The following TSPAN32 variants were observed in gnomAD, a reference collection of about 807,000 sequenced individuals.
The protein encoded by TSPAN32 is tetraspanin-32.
In TSPAN32, 47 loss-of-function variants were observed where a neutral mutation model predicts 42.7. That is an observed-to-expected ratio of 1.10 (90% CI 0.87 to 1.40). TSPAN32 has a LOEUF of 1.40. TSPAN32 is among the 40% of genes most tolerant of loss of function. TSPAN32 has a pLI of 0.00. For missense variants in TSPAN32, 469 were observed against 424.1 expected (o/e 1.11, Z -0.93); for synonymous variants, 175 against 175.9 (o/e 0.99, Z 0.04).
At chr11:2,308,832 C>G (rs1423985325) in intron 4 of TSPAN32, 22 bp downstream of exon 4, 10 of 1,528,702 alleles carry the variant, frequency 6.5e-6, no homozygotes, top group Non-Finnish European at 8.9e-6. Context: ...CTGCCCCTAC[C>G]CTGCAGTGGA....
At chr11:2,311,893 G>A (rs892308355) in intron 4 of TSPAN32, among the ~76,000 whole-genome samples, 1 of 152,232 alleles carries the variant, frequency 6.6e-6, no homozygotes, top group Non-Finnish European at 1.5e-5. Flanking sequence ...CAGGCCCCGT[G>A]GAGAGCAGCC....
At chr11:2,303,006 AG>A (rs1847853956) in intron 2 of TSPAN32, 48 bp downstream of exon 2, 1 of 1,546,354 alleles carries the variant, frequency 6.5e-7, no homozygotes, top group Admixed American at 1.7e-5. Flanking sequence ...CTCGGGTGCA[AG>A]GGTGGCTGGC....
chr11:2,302,154 G>A lies in TSPAN32; in HGVS notation c.5G>A (p.Gly2Glu). 1 of 1,450,846 alleles carries A rather than the reference G, an allele frequency of 6.9e-7. No homozygotes were observed. Among genetic ancestry groups the A allele is most frequent in the Non-Finnish European group, 9.1e-7 (1 of 1,099,328 alleles). 89.9% of individuals were successfully genotyped at this position (1,450,846 alleles called of 1,614,324 possible). A position where few individuals can be genotyped will look rare whatever the true frequency, so the allele number is the denominator to read the frequency against. The change falls in exon 1 of 10, where the codon GGG becomes GAG. Residue 2 changes from glycine (G) to glutamate (E), a missense_variant. Physicochemically the swap from Gly to Glu is moderately conservative, Grantham distance 98. Transcript: ENST00000182290. ...GAGGAGAGGAGAGGAACCGTCATGG[G>A]GCCTTGGAGTCGAGTCAGGGTTGCC... is the stretch of plus-strand genomic sequence containing the variant. Reference protein sequence around the residue: MGPWSRVRVAKC... With the variant: MEPWSRVRVAKC...
chr11:2,311,113 G>A (rs547921876), intron 4 of TSPAN32, among the ~76,000 whole-genome samples: 1 of 152,190 alleles, frequency 6.6e-6, no homozygotes, highest in Non-Finnish European at 1.5e-5. Flanking sequence ...GGCCACTGAG[G>A]TGTCCTGAAC....
Position 2,313,132 on chromosome 11 carries a change from C to A in TSPAN32, c.355-522C>A, listed in dbSNP as rs1848564055. 1.3e-5 allele frequency among the ~76,000 whole-genome samples: 2 copies of A among 152,108 alleles called. No individual in the cohort carries two copies. The highest frequency in any genetic ancestry group is 4.2e-4 in the South Asian group (2 of 4,816). ...GTCCACCCAGATCTGGCCTCAGGTGCCCAAGGCTTCTCTGGTCAAAAGCCT... is the reference window on the plus strand; with the variant it reads ...GTCCACCCAGATCTGGCCTCAGGTGACCAAGGCTTCTCTGGTCAAAAGCCT... On this transcript the variant is annotated intron_variant, in intron 4 of 9. Coordinates refer to ENST00000182290, the MANE Select transcript of TSPAN32 (RefSeq NM_139022.3). The surrounding 1 kb of genome is among the most constrained non-coding windows in gnomAD (Gnocchi z 9.1).
chr11:2,317,334 T>C lies in TSPAN32; in HGVS notation c.720-10T>C. On this transcript the variant is annotated splice_polypyrimidine_tract_variant and intron_variant, in intron 8 of 9. Transcript: ENST00000182290. This position sits in a 1 kb window ranked among gnomAD's most constrained non-coding sequence, Gnocchi z 6.2. ...TTCCACCACAGCCCCATGATCCCCT[T>C]GCTCCTCAGAGCATGTGGCCGCCAG... 1 of 1,580,532 alleles carries C rather than the reference T, an allele frequency of 6.3e-7. No individual in the cohort carries two copies.
chr11:2,312,029 CCAGGCAGGG>C (rs377033029), intron 4 of TSPAN32, among the ~76,000 whole-genome samples: 26 of 148,574 alleles, frequency 1.7e-4, no homozygotes, highest in Non-Finnish European at 2.5e-4. Context: ...GCAGGAAGAG[CCAGGCAGGG>C]CAGGCAGGGC....
chr11:2,306,020 A>T lies in TSPAN32; in HGVS notation c.279+1816A>T, dbSNP rs549599699. Reference sequence around the variant, plus strand: ...TGCATGTGCATGAGTGTGTGTGTGCATGTGTGTGTGCGTGTGCAGGTGCCT... The same window carrying T: ...TGCATGTGCATGAGTGTGTGTGTGCTTGTGTGTGTGCGTGTGCAGGTGCCT... On this transcript the variant is annotated intron_variant, in intron 3 of 9. Coordinates refer to ENST00000182290, the MANE Select transcript of TSPAN32 (RefSeq NM_139022.3). Among the ~76,000 whole-genome samples the T allele has an allele frequency of 1.3e-3, 173 of 133,652 alleles. 1 individual carries two copies. The highest frequency in any genetic ancestry group is 4.2e-3 in the African/African-American group (152 of 36,272). The allele number at this position is 133,652 out of a possible 152,430, so 87.7% of individuals were successfully genotyped here.
At chr11:2,306,038 A>C (rs1398833376) in intron 3 of TSPAN32, among the ~76,000 whole-genome samples, 1 of 70,832 alleles carries the variant, frequency 1.4e-5, no homozygotes, top group Non-Finnish European at 3.1e-5. Flanking sequence ...GTGCGTGTGC[A>C]GGTGCCTCTG....
chr11:2,317,590 G>A lies in TSPAN32; in HGVS notation c.901+65G>A. Reference sequence around the variant, plus strand: ...AGGGGAGGGTCCGAGCTGTGAGGAGGGAAGGGAGTGAAGGCCCAGCCAGAG... The same window carrying A: ...AGGGGAGGGTCCGAGCTGTGAGGAGAGAAGGGAGTGAAGGCCCAGCCAGAG... On this transcript the variant is annotated intron_variant, in intron 9 of 9. Coordinates refer to ENST00000182290, the MANE Select transcript of TSPAN32 (RefSeq NM_139022.3). The surrounding 1 kb of genome is among the most constrained non-coding windows in gnomAD (Gnocchi z 6.2). 1.3e-6 allele frequency: 2 copies of A among 1,517,348 alleles called. No homozygotes were observed. The highest frequency in any genetic ancestry group is 1.2e-5 in the South Asian group (1 of 81,780). 94.0% of individuals were successfully genotyped at this position (1,517,348 alleles called of 1,614,324 possible).
rs926116081 is a variant in TSPAN32, at chr11:2,313,238, G to A, written c.355-416G>A. Reference sequence around the variant, plus strand: ...AGATCTAGAATCCCCAAGCTTTCTGGGAGCTGAGGTCCTGGCACAGGGTCT... The same window carrying A: ...AGATCTAGAATCCCCAAGCTTTCTGAGAGCTGAGGTCCTGGCACAGGGTCT... On this transcript the variant is annotated intron_variant, in intron 4 of 9. Transcript: ENST00000182290. The surrounding 1 kb of genome is among the most constrained non-coding windows in gnomAD (Gnocchi z 9.1). 1.3e-5 allele frequency among the ~76,000 whole-genome samples: 2 copies of A among 152,152 alleles called. No homozygotes were observed. Among genetic ancestry groups the A allele is most frequent in the Non-Finnish European group, 2.9e-5 (2 of 68,026 alleles).
At chr11:2,315,917 G>C (rs1052836350) in intron 6 of TSPAN32, 2 of 1,490,320 alleles carry the variant, frequency 1.3e-6, no homozygotes, top group Non-Finnish European at 1.8e-6. Flanking sequence ...GAGTGAATTC[G>C]AAGTGGCCCG....
rs372703090 is a variant in TSPAN32, at chr11:2,313,319, C to A, written c.355-335C>A. On this transcript the variant is annotated intron_variant, in intron 4 of 9. Transcript: ENST00000182290. This position sits in a 1 kb window ranked among gnomAD's most constrained non-coding sequence, Gnocchi z 9.1. ...TCCCCCATTTCCGGGTCAACAGTAG[C>A]GTGCTGGAAACTTCTGTGGGCCAAC... Among the ~76,000 whole-genome samples the A allele has an allele frequency of 3.3e-5, 5 of 152,308 alleles. No individual in the cohort carries two copies. Among genetic ancestry groups the A allele is most frequent in the African/African-American group, 1.2e-4 (5 of 41,562 alleles).
At position 2,308,815 on chromosome 11, in the gene TSPAN32, G is replaced by A. The variant is rs1175192936; in HGVS notation, c.354+5G>A. On this transcript the variant is annotated splice_donor_5th_base_variant and intron_variant, in intron 4 of 9. Transcript: ENST00000182290. ...AGACTCCACAGCCCCACCCAGGTGAGCACCAGCTGCCCCTACCCTGCAGTG... is the reference window on the plus strand; with the variant it reads ...AGACTCCACAGCCCCACCCAGGTGAACACCAGCTGCCCCTACCCTGCAGTG... 5.1e-5 allele frequency: 79 copies of A among 1,557,832 alleles called. No homozygotes were observed. The highest frequency in any genetic ancestry group is 6.8e-5 in the Non-Finnish European group (78 of 1,148,884).
intron 6 of TSPAN32, chr11:2,315,464 A>G: frequency 8.8e-7 from 1 of 1,133,832 alleles, no homozygotes; most frequent in Non-Finnish European, 1.1e-6. Context: ...GAAAAGCAGG[A>G]GCGAGGGCCT....
chr11:2,310,277 AG>A (rs970476289), intron 4 of TSPAN32, among the ~76,000 whole-genome samples: 6 of 151,918 alleles, frequency 3.9e-5, no homozygotes, highest in Admixed American at 1.3e-4. Flanking sequence ...TCTGGAGGGG[AG>A]GGGGCCATAC....
rs572622532 is a variant in TSPAN32 at position 2,304,753 on chromosome 11, C to A, written c.279+549C>A. On this transcript the variant is annotated intron_variant, in intron 3 of 9. Transcript: ENST00000182290. The surrounding 1 kb of genome is among the most constrained non-coding windows in gnomAD (Gnocchi z 4.8). ...GGTCCCATAGGCCCCTCCACCCCACCCCATAGCAGTGGCCTCTTGTCACCC... is the reference window on the plus strand; with the variant it reads ...GGTCCCATAGGCCCCTCCACCCCACACCATAGCAGTGGCCTCTTGTCACCC... 1.3e-5 allele frequency among the ~76,000 whole-genome samples: 2 copies of A among 152,206 alleles called. No individual in the cohort carries two copies. The highest frequency in any genetic ancestry group is 4.8e-5 in the African/African-American group (2 of 41,534).
At chr11:2,315,927 G>A (rs770699882) in intron 6 of TSPAN32, 78 of 1,507,350 alleles carry the variant, frequency 5.2e-5, no homozygotes, top group East Asian at 5.0e-4. Flanking sequence ...GAAGTGGCCC[G>A]GCCCAGGGGA....
intron 3 of TSPAN32, among the ~76,000 whole-genome samples, chr11:2,305,291 G>A (rs1848008437): frequency 1.3e-5 from 2 of 152,122 alleles, no homozygotes; most frequent in Non-Finnish European, 2.9e-5. Context: ...AGCATGGGCA[G>A]GGACAACCCC....
Sources: allele counts gnomAD v4.1 joint callset (sites outside exome capture counted in the v4.1 genomes callset), GRCh38; gene constraint gnomAD v4.1.1; non-coding constraint Gnocchi (gnomAD v3.1); transcripts MANE v1.5; gene names NCBI Gene and HGNC (gene_info 2026-07-23, HGNC 2026-07-21).